APBA1: variants seen among roughly 807,000 people sequenced by gnomAD.
The protein encoded by APBA1 is amyloid beta precursor protein binding family A member 1.
A neutral mutation model predicts 86.6 loss-of-function variants in APBA1; 55 were observed. That is an observed-to-expected ratio of 0.64 (90% CI 0.51 to 0.80). The LOEUF is 0.80. Ranked by LOEUF, APBA1 falls within the 30% of genes least tolerant of loss-of-function variation. APBA1 has a pLI of 0.00. For missense variants in APBA1, 1,090 were observed against 1,183.0 expected, an observed-to-expected ratio of 0.92 and a Z score of 1.15; for synonymous variants, 511 against 493.9, an observed-to-expected ratio of 1.03 and a Z score of -0.46.
chr9:69,617,834 C>T (rs956811452), intron 1 of APBA1, among the ~76,000 whole-genome samples: 8 of 152,056 alleles, frequency 5.3e-5, no homozygotes, highest in Admixed American at 2.0e-4. Flanking sequence ...CACTGTTGTG[C>T]GACTTTCCCT....
At chr9:69,510,269 C>G (rs887972468) in intron 2 of APBA1, among the ~76,000 whole-genome samples, 8 of 151,940 alleles carry the variant, frequency 5.3e-5, no homozygotes, top group Non-Finnish European at 1.0e-4. Flanking sequence ...CATTCTTATA[C>G]ACCAATAACA....
chr9:69,559,039 G>A (rs1836908519), intron 1 of APBA1, among the ~76,000 whole-genome samples: 1 of 151,984 alleles, frequency 6.6e-6, no homozygotes, highest in Admixed American at 6.6e-5. Context: ...CATTATTATT[G>A]TAATTAGTCA....
chr9:69,502,770 G>GC (rs1225226444), intron 2 of APBA1, among the ~76,000 whole-genome samples: 2 of 151,950 alleles, frequency 1.3e-5, no homozygotes, highest in African/African-American at 4.8e-5. Flanking sequence ...AGAAATGAAC[G>GC]CATCACACTT....
chr9:69,537,903 T>C (rs949839559), intron 1 of APBA1, among the ~76,000 whole-genome samples: 2 of 152,104 alleles, frequency 1.3e-5, no homozygotes, highest in African/African-American at 4.8e-5. Flanking sequence ...ACTGGCTTTA[T>C]AGTTTCTCTT....
At position 69,452,254 on chromosome 9, in the gene APBA1, G is replaced by A. The variant is rs1444792452; in HGVS notation, c.1836C>T (p.Tyr612=). 2.5e-6 allele frequency: 4 copies of A among 1,614,232 alleles called. No individual in the cohort carries two copies. Among genetic ancestry groups the A allele is most frequent in the East Asian group, 2.2e-5 (1 of 44,880 alleles). ...TCCCATTGGCCCTGAGGAATTCCTGGTATGCCACGCTAAATGCCTGTCCGA... is the reference window on the plus strand; with the variant it reads ...TCCCATTGGCCCTGAGGAATTCCTGATATGCCACGCTAAATGCCTGTCCGA... ...QSIGQAFSVA[Y]QEFLRANGIN... is the part of the protein sequence containing the mutation. The change falls in exon 9 of 13, where the codon TAC becomes TAT. Residue 612 remains tyrosine, a synonymous_variant. Transcript: ENST00000265381.
chr9:69,581,503 C>T (rs901163349), intron 1 of APBA1, among the ~76,000 whole-genome samples: 21 of 152,164 alleles, frequency 1.4e-4, no homozygotes, highest in African/African-American at 4.8e-4. Flanking sequence ...AGAGAGTTGA[C>T]TACGTGAATC....
chr9:69,568,848 GT>G (rs2133945883), intron 1 of APBA1, among the ~76,000 whole-genome samples: 1 of 152,286 alleles, frequency 6.6e-6, no homozygotes, highest in South Asian at 2.1e-4. Context: ...TGGGGAAAAA[GT>G]TTAGGATAGT....
chr9:69,546,017 A>G (rs950407974), intron 1 of APBA1, among the ~76,000 whole-genome samples: 4 of 152,236 alleles, frequency 2.6e-5, no homozygotes, highest in African/African-American at 9.6e-5. Context: ...TAAATTTTCT[A>G]AAGTATGACA....
At chr9:69,589,315 C>T (rs1338538504) in intron 1 of APBA1, among the ~76,000 whole-genome samples, 3 of 152,206 alleles carry the variant, frequency 2.0e-5, no homozygotes, top group African/African-American at 7.2e-5. Context: ...AGAAGATAAT[C>T]AATCACTGTT....
intron 2 of APBA1, among the ~76,000 whole-genome samples, chr9:69,495,337 C>T (rs1007252235): frequency 6.6e-6 from 1 of 152,162 alleles, no homozygotes; most frequent in Admixed American, 6.5e-5. Context: ...GATCCACCTA[C>T]CTCTCCTTCG....
rs200401956 is a variant in APBA1 at position 69,440,979 on chromosome 9, G to A, written c.2301+17C>T. ...TGTCAACATTGTGGAAAAGGGTGTG[G>A]AAGGTGTTCTACTTACAATTCCATT... On this transcript the variant is annotated intron_variant, in intron 11 of 12. Transcript: ENST00000265381. 550 of 1,610,890 alleles carry A rather than the reference G, an allele frequency of 3.4e-4. No individual in the cohort carries two copies. The highest frequency in any genetic ancestry group is 4.1e-4 in the Non-Finnish European group (481 of 1,178,492).
intron 1 of APBA1, among the ~76,000 whole-genome samples, chr9:69,543,292 G>T (rs950091811): frequency 1.7e-5 from 2 of 115,206 alleles, no homozygotes; most frequent in Admixed American, 8.6e-5. Context: ...CCCCCCCCCC[G>T]GCCTGTCCTC....
At chr9:69,575,476 C>T (rs1821775479) in intron 1 of APBA1, among the ~76,000 whole-genome samples, 2 of 152,130 alleles carry the variant, frequency 1.3e-5, no homozygotes, top group Admixed American at 6.5e-5. Flanking sequence ...GCTACAGTAA[C>T]CAAAACAGCA....
intron 1 of APBA1, among the ~76,000 whole-genome samples, chr9:69,531,478 A>AC (rs1836432839): frequency 6.6e-6 from 1 of 151,538 alleles, no homozygotes; most frequent in Non-Finnish European, 1.5e-5. Flanking sequence ...CTCATTCCTT[A>AC]CCCCTGTCCT....
In APBA1 at chr9:69,449,947, G is replaced by A. The variant is rs78715200; in HGVS notation, c.1969-151C>T. 1,375 of 641,684 alleles carry A rather than the reference G, an allele frequency of 2.1e-3. 6 individuals carry two copies. The highest frequency in any genetic ancestry group is 0.021 in the African/African-American group (1,150 of 54,336). 39.7% of individuals were successfully genotyped at this position (641,684 alleles called of 1,614,324 possible). On this transcript the variant is annotated intron_variant, in intron 9 of 12. Transcript: ENST00000265381. ...TGAGTTCCTGTCTTCTCAGCATTCC[G>A]CATATTTGGAGTTTTTAAGAAATGA...
At chr9:69,451,873 C>A (rs1246896896) in intron 9 of APBA1, among the ~76,000 whole-genome samples, 1 of 152,174 alleles carries the variant, frequency 6.6e-6, no homozygotes, top group Non-Finnish European at 1.5e-5. Flanking sequence ...GGGACCCACC[C>A]AAAACTTAGC....
chr9:69,433,189 A>G (rs1018093677), intron 11 of APBA1, among the ~76,000 whole-genome samples: 2 of 152,160 alleles, frequency 1.3e-5, no homozygotes, highest in African/African-American at 4.8e-5. Context: ...GAGTTTCCCA[A>G]TTCAGCGGCC....
intron 1 of APBA1, among the ~76,000 whole-genome samples, chr9:69,612,053 A>G (rs912747278): frequency 6.6e-6 from 1 of 152,160 alleles, no homozygotes; most frequent in South Asian, 2.1e-4. Flanking sequence ...TTTTAAGGTC[A>G]TACAACTATA....
chr9:69,501,632 AC>A (rs1835881047), intron 2 of APBA1, among the ~76,000 whole-genome samples: 1 of 2,918 alleles, frequency 3.4e-4, no homozygotes, highest in African/African-American at 7.0e-4. Flanking sequence ...TCTACAAAAC[AC>A]ACACACACAC....
Sources: allele counts gnomAD v4.1 joint callset (sites outside exome capture counted in the v4.1 genomes callset), GRCh38; gene constraint gnomAD v4.1.1; transcripts MANE v1.5; gene names NCBI Gene and HGNC (gene_info 2026-07-23, HGNC 2026-07-21).